The following XIRP2 variants were observed in gnomAD, a reference collection of about 807,000 sequenced individuals.
XIRP2 encodes the protein xin actin binding repeat containing 2.
XIRP2 carries 236 observed loss-of-function variants against 277.0 expected under a neutral mutation model. The ratio of observed to expected loss-of-function variants is 0.85; its 90% confidence interval spans 0.77 to 0.95. The LOEUF is 0.95. Ranked by LOEUF, XIRP2 falls within the 40% of genes least tolerant of loss-of-function variation. The probability of loss-of-function intolerance (pLI) is 0.00; values close to 1 mark genes in which losing one functional copy is unlikely to be tolerated. For synonymous variants in XIRP2, 1,490 were observed against 1,416.5 expected (o/e 1.05, Z -1.17); for missense variants, 4,640 against 4,157.5 (o/e 1.12, Z -3.19).
chr2:167,120,963 A>G (rs930923303), intron 2 of XIRP2, among the ~76,000 whole-genome samples: 7 of 152,176 alleles, frequency 4.6e-5, no homozygotes, highest in Non-Finnish European at 1.0e-4. Context: ...GCTACCATGT[A>G]TTGAATGTCT....
At chr2:167,203,442 T>C (rs960015052) in intron 3 of XIRP2, among the ~76,000 whole-genome samples, 2 of 152,208 alleles carry the variant, frequency 1.3e-5, no homozygotes, top group Admixed American at 6.5e-5. Context: ...CAAGTACACA[T>C]ACAATAACAC....
intron 2 of XIRP2, among the ~76,000 whole-genome samples, chr2:166,982,486 G>T (rs573245840): frequency 1.3e-5 from 2 of 151,028 alleles, no homozygotes; most frequent in South Asian, 2.1e-4. Flanking sequence ...TACCACTTTT[G>T]ATATAGTCCC....
chr2:166,894,659 A>C (rs1684195484), intron 1 of XIRP2, among the ~76,000 whole-genome samples: 1 of 152,124 alleles, frequency 6.6e-6, no homozygotes, highest in Non-Finnish European at 1.5e-5. Flanking sequence ...TTTTTTCAGC[A>C]TTGTGCCTTT....
At chr2:166,952,146 T>G (rs1686052645) in intron 2 of XIRP2, among the ~76,000 whole-genome samples, 1 of 151,908 alleles carries the variant, frequency 6.6e-6, no homozygotes, top group Non-Finnish European at 1.5e-5. Context: ...CACCCCAAAT[T>G]TTATGGCTTC....
chr2:167,046,716 T>C (rs542112114), intron 2 of XIRP2, among the ~76,000 whole-genome samples: 2 of 152,094 alleles, frequency 1.3e-5, no homozygotes, highest in South Asian at 4.1e-4. Flanking sequence ...AAGCGGCAGC[T>C]GAACATGGAG....
chr2:166,965,023 A>T (rs1349303860), intron 2 of XIRP2, among the ~76,000 whole-genome samples: 2 of 151,876 alleles, frequency 1.3e-5, no homozygotes, highest in Non-Finnish European at 2.9e-5. Flanking sequence ...GAACATCATC[A>T]GTTGCCCACC....
intron 1 of XIRP2, among the ~76,000 whole-genome samples, chr2:166,888,877 T>A (rs959675447): frequency 6.6e-6 from 1 of 152,176 alleles, no homozygotes; most frequent in Non-Finnish European, 1.5e-5. Context: ...ATATATTATA[T>A]TTTTGGACAC....
chr2:167,055,048 C>T (rs903795934), intron 2 of XIRP2, among the ~76,000 whole-genome samples: 9 of 152,172 alleles, frequency 5.9e-5, no homozygotes, highest in African/African-American at 2.2e-4. Context: ...TTGAACTCAG[C>T]TAGACTCACT....
chr2:167,018,238 C>T (rs1687884495), intron 2 of XIRP2, among the ~76,000 whole-genome samples: 1 of 151,974 alleles, frequency 6.6e-6, no homozygotes, highest in African/African-American at 2.4e-5. Context: ...ATAGCATTTT[C>T]CCAGGTCACC....
intron 2 of XIRP2, among the ~76,000 whole-genome samples, chr2:167,105,214 G>A (rs1394277121): frequency 6.6e-6 from 1 of 151,900 alleles, no homozygotes; most frequent in Non-Finnish European, 1.5e-5. Context: ...ACAATACAAT[G>A]TTACAACCCC....
intron 3 of XIRP2, among the ~76,000 whole-genome samples, chr2:167,169,474 T>C (rs1692622194): frequency 6.6e-6 from 1 of 152,222 alleles, no homozygotes; most frequent in African/African-American, 2.4e-5. Flanking sequence ...TCTGCACTGG[T>C]AAGTTTTGGT....
chr2:167,120,410 A>G (rs1017685706), intron 2 of XIRP2, among the ~76,000 whole-genome samples: 2 of 152,168 alleles, frequency 1.3e-5, no homozygotes, highest in Middle Eastern at 3.2e-3. Context: ...ACAAATCTCC[A>G]TATTTCCACC....
intron 2 of XIRP2, among the ~76,000 whole-genome samples, chr2:166,906,542 CTAAA>C (rs1318542613): frequency 2.0e-5 from 3 of 151,890 alleles, no homozygotes; most frequent in Admixed American, 1.3e-4. Flanking sequence ...AGTTTTTAAT[CTAAA>C]TATTTTTCAG....
At chr2:166,936,032 T>G (rs1298216704) in intron 2 of XIRP2, among the ~76,000 whole-genome samples, 1 of 152,182 alleles carries the variant, frequency 6.6e-6, no homozygotes, top group Non-Finnish European at 1.5e-5. Flanking sequence ...CCACCAACAG[T>G]GTAAAAGTGT....
chr2:167,085,726 T>C lies in XIRP2; in HGVS notation c.409-50183T>C, dbSNP rs1196621161. Among the ~76,000 whole-genome samples the C allele has an allele frequency of 2.4e-3, 367 of 152,016 alleles. 8 individuals are homozygous for C. Among genetic ancestry groups the C allele is most frequent in the Middle Eastern group, 3.4e-3 (1 of 294 alleles). ...CCTTCTTTGTCTCTTTTGATCTTTG[T>C]TGGTTTAAAGTCTGTTTTATCAGAG... is the stretch of plus-strand genomic sequence containing the variant. On this transcript the variant is annotated intron_variant, in intron 2 of 10. Transcript: ENST00000409195.
chr2:167,067,011 G>C (rs144274652), intron 2 of XIRP2, among the ~76,000 whole-genome samples: 4 of 151,880 alleles, frequency 2.6e-5, no homozygotes. Flanking sequence ...GATATACTTT[G>C]GGGTAGTTCT....
At chr2:167,004,284 G>A (rs1259274083) in intron 2 of XIRP2, among the ~76,000 whole-genome samples, 1 of 151,814 alleles carries the variant, frequency 6.6e-6, no homozygotes, top group East Asian at 1.9e-4. Flanking sequence ...GAGATACATA[G>A]ATATGAAATC....
intron 2 of XIRP2, among the ~76,000 whole-genome samples, chr2:167,002,394 TTTAAGTGTCTAACATG>T (rs1687396784): frequency 6.6e-6 from 1 of 151,834 alleles, no homozygotes; most frequent in African/African-American, 2.4e-5. Context: ...AATGTTTTTA[TTTAAGTGTCTAACATG>T]TAATTTAAGT....
intron 2 of XIRP2, among the ~76,000 whole-genome samples, chr2:167,053,344 G>A (rs1406794123): frequency 6.6e-6 from 1 of 152,022 alleles, no homozygotes; most frequent in East Asian, 1.9e-4. Context: ...TCGATATATA[G>A]CTTAGTTCTT....
Sources: gnomAD v4.1 joint callset for allele counts (sites outside exome capture counted in the v4.1 genomes callset) on GRCh38, gnomAD v4.1.1 for gene constraint, MANE v1.5 for transcripts, NCBI Gene and HGNC (gene_info 2026-07-23, HGNC 2026-07-21) for gene names.